Variants in FMN2 observed in about 807,000 individuals in gnomAD.
FMN2 encodes formin 2, also known as formin-2.
In FMN2, 51 loss-of-function variants were observed where a neutral mutation model predicts 142.3. The observed-to-expected ratio is 0.36, with a 90% CI of 0.29 to 0.45. The LOEUF (loss-of-function observed/expected upper bound fraction) is 0.45. Ranked by LOEUF, FMN2 falls within the 20% of genes least tolerant of loss-of-function variation. The probability of loss-of-function intolerance (pLI) is 1.00; values close to 1 mark genes in which losing one functional copy is unlikely to be tolerated. For missense variants in FMN2, 1,936 were observed against 2,122.8 expected (o/e 0.91, Z 1.73); for synonymous variants, 882 against 869.8 (o/e 1.01, Z -0.25).
intron 2 of FMN2, 108 bp downstream of exon 2, chr1:240,123,453 C>A: frequency 1.9e-5 from 20 of 1,073,210 alleles, no homozygotes; most frequent in South Asian, 2.2e-5. Flanking sequence ...ACATGTGATT[C>A]AAGCATTTTT....
chr1:240,098,251 A>G (rs932257571), intron 1 of FMN2, among the ~76,000 whole-genome samples: 6 of 151,840 alleles, frequency 4.0e-5, no homozygotes, highest in African/African-American at 1.4e-4. Context: ...ATAGGCGCCC[A>G]TGACCACACC....
intron 5 of FMN2, among the ~76,000 whole-genome samples, chr1:240,209,550 G>A (rs1156880359): frequency 6.7e-6 from 1 of 150,342 alleles, no homozygotes; most frequent in Admixed American, 6.6e-5. Flanking sequence ...CACCGGGCAC[G>A]GCCGCAAATC....
intron 1 of FMN2, among the ~76,000 whole-genome samples, chr1:240,104,270 T>G (rs1358878272): frequency 2.0e-5 from 3 of 151,510 alleles, no homozygotes; most frequent in African/African-American, 7.3e-5. Flanking sequence ...TCTCTGTAGT[T>G]TTGTCACCTC....
At chr1:240,267,161 A>G (rs1240479552) in intron 7 of FMN2, among the ~76,000 whole-genome samples, 1 of 152,154 alleles carries the variant, frequency 6.6e-6, no homozygotes, top group Non-Finnish European at 1.5e-5. Flanking sequence ...TAAACGGACA[A>G]CCTACAGGAT....
At chr1:240,098,097 ATTTTT>A (rs35191164) in intron 1 of FMN2, among the ~76,000 whole-genome samples, 14 of 98,672 alleles carry the variant, frequency 1.4e-4, no homozygotes, top group African/African-American at 3.7e-4. Context: ...GTTATCTTGA[ATTTTT>A]TTTTTTTTTT....
chr1:240,094,596 C>T (rs2103162764), intron 1 of FMN2, among the ~76,000 whole-genome samples: 1 of 152,244 alleles, frequency 6.6e-6, no homozygotes, highest in South Asian at 2.1e-4. Flanking sequence ...GCTTACAGGG[C>T]CCAAGGCCTT....
chr1:240,365,312 C>CAT (rs1339441688), intron 14 of FMN2, among the ~76,000 whole-genome samples: 2 of 128,852 alleles, frequency 1.6e-5, no homozygotes, highest in African/African-American at 3.1e-5. Context: ...CACAGACACA[C>CAT]ATATATATAC....
At chr1:240,309,004 C>T (rs752617209) in intron 8 of FMN2, among the ~76,000 whole-genome samples, 2 of 152,084 alleles carry the variant, frequency 1.3e-5, no homozygotes, top group Non-Finnish European at 2.9e-5. Context: ...GTCTAGTAGT[C>T]TCAAGGCAGA....
At chr1:240,286,584 T>C (rs1395273583) in intron 7 of FMN2, among the ~76,000 whole-genome samples, 1 of 152,212 alleles carries the variant, frequency 6.6e-6, no homozygotes, top group African/African-American at 2.4e-5. Context: ...ATTTTGTTGC[T>C]GTCATCTCAT....
chr1:240,252,881 A>G (rs754771394), intron 6 of FMN2, among the ~76,000 whole-genome samples: 20 of 146,794 alleles, frequency 1.4e-4, no homozygotes, highest in South Asian at 4.3e-4. Context: ...TTTATTCTTC[A>G]TCTTCTGGGA....
intron 1 of FMN2, among the ~76,000 whole-genome samples, chr1:240,100,584 A>G (rs1661378372): frequency 6.6e-6 from 1 of 152,360 alleles, no homozygotes; most frequent in East Asian, 1.9e-4. Flanking sequence ...GGATGCTATA[A>G]TAAGATGCTA....
At chr1:240,465,785 C>A (rs1460552382) in intron 16 of FMN2, among the ~76,000 whole-genome samples, 3 of 152,230 alleles carry the variant, frequency 2.0e-5, no homozygotes, top group Non-Finnish European at 4.4e-5. Context: ...CCTGATAAGA[C>A]TGTGGCCAGC....
chr1:240,188,532 C>A (rs991174262), intron 4 of FMN2, among the ~76,000 whole-genome samples: 1 of 152,132 alleles, frequency 6.6e-6, no homozygotes, highest in African/African-American at 2.4e-5. Flanking sequence ...CCAATAACAG[C>A]GGGCTCCAGC....
intron 7 of FMN2, among the ~76,000 whole-genome samples, chr1:240,289,698 A>C (rs1051294703): frequency 5.9e-5 from 9 of 152,050 alleles, no homozygotes; most frequent in African/African-American, 2.2e-4. Flanking sequence ...TCTCTAAAAA[A>C]AAGGGATTAC....
intron 6 of FMN2, among the ~76,000 whole-genome samples, chr1:240,229,187 T>C (rs1047218736): frequency 2.0e-5 from 3 of 152,196 alleles, no homozygotes; most frequent in African/African-American, 7.2e-5. Context: ...CAAGTCTTCA[T>C]GGAGGAAGGA....
At chr1:240,232,225 C>T (rs1017026898) in intron 6 of FMN2, among the ~76,000 whole-genome samples, 24 of 150,270 alleles carry the variant, frequency 1.6e-4, no homozygotes, top group Admixed American at 7.3e-4. Flanking sequence ...ACCAGGCACA[C>T]ACCAACCACC....
At chr1:240,116,426 C>T (rs751347224) in intron 1 of FMN2, among the ~76,000 whole-genome samples, 27 of 152,038 alleles carry the variant, frequency 1.8e-4, no homozygotes, top group Non-Finnish European at 3.1e-4. Flanking sequence ...GGAAGCACTC[C>T]GACATTGCCG....
At chr1:240,409,311 T>G (rs1480962363) in intron 15 of FMN2, among the ~76,000 whole-genome samples, 6 of 151,902 alleles carry the variant, frequency 3.9e-5, no homozygotes, top group African/African-American at 9.7e-5. Flanking sequence ...CCAGTTAATT[T>G]TTTTGTGTTT....
intron 2 of FMN2, among the ~76,000 whole-genome samples, chr1:240,131,043 G>T (rs188749009): frequency 6.6e-6 from 1 of 152,254 alleles, no homozygotes; most frequent in Admixed American, 6.5e-5. Context: ...GGAGCTTAGT[G>T]GTTGAAGTGG....
Sources: allele counts gnomAD v4.1 joint callset (sites outside exome capture counted in the v4.1 genomes callset), GRCh38; gene constraint gnomAD v4.1.1; transcripts MANE v1.5; gene names NCBI Gene and HGNC (gene_info 2026-07-23, HGNC 2026-07-21).